The following KIAA1217 variants were observed in gnomAD, a reference collection of about 807,000 sequenced individuals.
KIAA1217 encodes the protein sickle tail protein homolog.
In KIAA1217, 88 loss-of-function variants were observed where a neutral mutation model predicts 163.9. That is an observed-to-expected ratio of 0.54 (90% CI 0.45 to 0.64). The LOEUF (loss-of-function observed/expected upper bound fraction) is 0.64, where lower values mean the gene tolerates loss of function less well. Among genes scored for constraint, KIAA1217 ranks in the 30% least tolerant of loss-of-function variants. The probability of loss-of-function intolerance (pLI) is 0.00; values close to 1 mark genes in which losing one functional copy is unlikely to be tolerated. For missense variants in KIAA1217, 2,372 were observed against 2,475.0 expected, an observed-to-expected ratio of 0.96 and a Z score of 0.88; for synonymous variants, 903 against 923.1, an observed-to-expected ratio of 0.98 and a Z score of 0.39.
intron 2 of KIAA1217, among the ~76,000 whole-genome samples, chr10:24,297,984 G>A (rs527383352): frequency 5.3e-5 from 8 of 151,806 alleles, no homozygotes; most frequent in South Asian, 2.1e-4. Flanking sequence ...ACTTGAGGCC[G>A]TGACTTTAGA....
At chr10:24,402,349 TAC>T (rs1171637864) in intron 3 of KIAA1217, among the ~76,000 whole-genome samples, 19 of 151,166 alleles carry the variant, frequency 1.3e-4, no homozygotes, top group Non-Finnish European at 2.5e-4. Flanking sequence ...TACTAAAAAA[TAC>T]ACAAAAAATT....
chr10:24,422,521 A>G (rs2058817870), intron 3 of KIAA1217, among the ~76,000 whole-genome samples: 1 of 152,194 alleles, frequency 6.6e-6, no homozygotes, highest in Admixed American at 6.5e-5. Flanking sequence ...TTCTGTTGTG[A>G]CTTTACATTA....
At chr10:23,966,684 C>T (rs1382501566) in intron 1 of KIAA1217, among the ~76,000 whole-genome samples, 1 of 152,218 alleles carries the variant, frequency 6.6e-6, no homozygotes, top group Non-Finnish European at 1.5e-5. Flanking sequence ...CTTCTTTAGT[C>T]TTCCAGAGAA....
chr10:24,206,738 C>T (rs1369462173), upstream of KIAA1217, among the ~76,000 whole-genome samples: 2 of 152,210 alleles, frequency 1.3e-5, no homozygotes, highest in Non-Finnish European at 1.5e-5. Context: ...TTCTCTTCCC[C>T]CAATGCCTTT....
At chr10:23,710,342 C>T (rs1433878979) in intron 1 of KIAA1217, among the ~76,000 whole-genome samples, 1 of 152,198 alleles carries the variant, frequency 6.6e-6, no homozygotes, top group African/African-American at 2.4e-5. Flanking sequence ...AGCTCCCATT[C>T]TGGCAGGTAT....
In KIAA1217 at chr10:24,450,933, T is replaced by C. The variant is rs375316145; in HGVS notation, c.846+12454T>C. 1.8e-4 allele frequency among the ~76,000 whole-genome samples: 28 copies of C among 152,328 alleles called. No individual in the cohort carries two copies. In the East Asian group the frequency reaches 5.2e-3, roughly 28 times the overall value. The stretch of plus-strand genomic sequence containing the variant: ...ACTTATCTTGAAAATAATAATAATA[T>C]ATAATGTTTACGTGGCTTCAGGATA... On this transcript the variant is annotated intron_variant, in intron 5 of 20. Transcript: ENST00000376454.
chr10:23,795,575 T>C (rs936115113), intron 1 of KIAA1217, among the ~76,000 whole-genome samples: 2 of 152,146 alleles, frequency 1.3e-5, no homozygotes, highest in African/African-American at 4.8e-5. Flanking sequence ...GGTTATAAAG[T>C]GGTTCGGTCC....
At chr10:24,164,675 G>C in intron 2 of KIAA1217, among the ~76,000 whole-genome samples, 1 of 152,138 alleles carries the variant, frequency 6.6e-6, no homozygotes, top group East Asian at 1.9e-4. Context: ...TGTTCCCTTG[G>C]AATGGGCAAG....
intron 2 of KIAA1217, among the ~76,000 whole-genome samples, chr10:24,161,221 A>T (rs1005400833): frequency 1.9e-4 from 29 of 152,210 alleles, no homozygotes; most frequent in African/African-American, 7.0e-4. Context: ...TGTTCTGGGA[A>T]ACTCCTTCGC....
At chr10:24,096,144 A>G (rs117798018) in intron 2 of KIAA1217, among the ~76,000 whole-genome samples, 3,575 of 152,288 alleles carry the variant, frequency 0.023, 57 homozygotes, top group South Asian at 0.047. Flanking sequence ...TAAACTCAGC[A>G]TCAACCTCCA....
At chr10:24,402,474 A>G (rs918730737) in intron 3 of KIAA1217, among the ~76,000 whole-genome samples, 1 of 147,056 alleles carries the variant, frequency 6.8e-6, no homozygotes, top group African/African-American at 2.6e-5. Flanking sequence ...GCGCCACTGC[A>G]CTCCAGCCTG....
intron 1 of KIAA1217, among the ~76,000 whole-genome samples, chr10:23,873,704 C>T (rs1183790392): frequency 3.3e-5 from 5 of 152,128 alleles, no homozygotes; most frequent in South Asian, 2.1e-4. Flanking sequence ...CTCTCTCTCT[C>T]TCTCTTTCCC....
chr10:24,266,754 G>T (rs1396908732), intron 2 of KIAA1217, among the ~76,000 whole-genome samples: 1 of 152,144 alleles, frequency 6.6e-6, no homozygotes, highest in Admixed American at 6.5e-5. Flanking sequence ...ATTCTGATAG[G>T]ACAGAAATCG....
intron 1 of KIAA1217, among the ~76,000 whole-genome samples, chr10:23,995,445 A>G (rs1449888132): frequency 7.7e-6 from 1 of 129,176 alleles, no homozygotes; most frequent in Admixed American, 8.4e-5. Context: ...ACAGCCAATT[A>G]TGGCCTGTGT....
At chr10:24,187,033 T>A (rs764604454) in intron 2 of KIAA1217, among the ~76,000 whole-genome samples, 4 of 152,220 alleles carry the variant, frequency 2.6e-5, no homozygotes, top group Non-Finnish European at 4.4e-5. Context: ...CTACTCCTCT[T>A]CCAACGGTGC....
At chr10:24,513,901 A>T (rs559958714) in intron 10 of KIAA1217, among the ~76,000 whole-genome samples, 1 of 152,300 alleles carries the variant, frequency 6.6e-6, no homozygotes, top group Admixed American at 6.5e-5. Context: ...GGAAGCCTAT[A>T]TTTCATCTCA....
At position 24,226,357 on chromosome 10, in the gene KIAA1217, T is replaced by G. The variant is rs117084055; in HGVS notation, c.354+6448T>G. ...AAAAGGCAAATCTGACTGGGTGCGG[T>G]GGCTCACGCCTGCAGTCCCAACACT... On this transcript the variant is annotated intron_variant, in intron 2 of 20. Coordinates refer to ENST00000376454, the MANE Select transcript of KIAA1217 (RefSeq NM_019590.5). 3.1e-3 allele frequency among the ~76,000 whole-genome samples: 470 copies of G among 152,116 alleles called. 11 individuals carry two copies. In the East Asian group the frequency reaches 0.055, roughly 18 times the overall value.
At chr10:24,177,371 A>G (rs2065960804) in intron 2 of KIAA1217, among the ~76,000 whole-genome samples, 1 of 145,582 alleles carries the variant, frequency 6.9e-6, no homozygotes, top group South Asian at 2.2e-4. Context: ...GTATATATAT[A>G]TATATATATG....
rs2069318649 is a variant in KIAA1217 at position 24,219,654 on chromosome 10, A to T, written c.99A>T (p.Thr33=). 6.2e-7 allele frequency: 1 copy of T among 1,610,076 alleles called. No homozygotes were observed. The change falls in exon 2 of 21, where the codon ACA becomes ACT. Residue 33 remains threonine, a synonymous_variant. Coordinates refer to ENST00000376454, the MANE Select transcript of KIAA1217 (RefSeq NM_019590.5). ...AAGGCAAAGGCAATCTGCATGTAAC[A>T]TCACCAGAAGATGCAGAATGCCGCA... ...QEQGKGNLHV[T]SPEDAECRRT... is the part of the protein sequence containing the mutation.
Sources: allele counts gnomAD v4.1 joint callset (sites outside exome capture counted in the v4.1 genomes callset), GRCh38; gene constraint gnomAD v4.1.1; transcripts MANE v1.5; gene names NCBI Gene and HGNC (gene_info 2026-07-23, HGNC 2026-07-21).